Variants in DLG2 observed in about 807,000 individuals in gnomAD.
The protein encoded by DLG2 is disks large homolog 2.
Under a neutral mutation model 132.5 loss-of-function variants are expected in DLG2, and 45 were observed. That is an observed-to-expected ratio of 0.34 (90% confidence interval 0.27 to 0.44). The LOEUF (loss-of-function observed/expected upper bound fraction) is 0.44, where lower values mean the gene tolerates loss of function less well. DLG2 is among the 20% of genes least tolerant of loss of function. The pLI, the probability that DLG2 is intolerant of heterozygous loss-of-function variation, is 1.00. For synonymous variants in DLG2, 424 were observed against 419.6 expected (o/e 1.01, Z -0.13); for missense variants, 1,045 against 1,196.9 (o/e 0.87, Z 1.87).
chr11:85,532,341 T>C (rs1371222191), intron 3 of DLG2, among the ~76,000 whole-genome samples: 1 of 152,214 alleles, frequency 6.6e-6, no homozygotes, highest in African/African-American at 2.4e-5. Context: ...TCCTGGAAGA[T>C]ATTTTCCAAG....
At chr11:84,753,654 T>C (rs2066473798) in intron 6 of DLG2, among the ~76,000 whole-genome samples, 1 of 152,200 alleles carries the variant, frequency 6.6e-6, no homozygotes, top group South Asian at 2.1e-4. Context: ...TCAGGAAAGA[T>C]GTAGAAACTG....
intron 3 of DLG2, among the ~76,000 whole-genome samples, chr11:85,507,112 G>A (rs116580651): frequency 0.03 from 4,543 of 152,160 alleles, 213 homozygotes; most frequent in African/African-American, 0.1. Flanking sequence ...GTGTCTGCAC[G>A]TTAGATGGGT....
chr11:85,439,731 G>T (rs566593037), intron 3 of DLG2, among the ~76,000 whole-genome samples: 2 of 152,226 alleles, frequency 1.3e-5, no homozygotes, highest in Admixed American at 1.3e-4. Context: ...AGAGATATAT[G>T]TGTGAAACAA....
At chr11:85,074,588 GATC>G (rs1270458675) in intron 6 of DLG2, among the ~76,000 whole-genome samples, 3 of 151,830 alleles carry the variant, frequency 2.0e-5, no homozygotes, top group Non-Finnish European at 4.4e-5. Flanking sequence ...AACAACAGAA[GATC>G]ATTTCTGTTA....
chr11:84,239,006 T>C lies in DLG2; in HGVS notation c.573+12232A>G, dbSNP rs2097193778. ...ATGCACATTGATCCACATGATCATG[T>C]AGATTAAATTAAAACACACATATTT... On this transcript the variant is annotated intron_variant, in intron 8 of 27. Coordinates refer to ENST00000376104, the MANE Select transcript of DLG2 (RefSeq NM_001142699.3). Among the ~76,000 whole-genome samples, 3 of 152,338 alleles carry C rather than the reference T, an allele frequency of 2.0e-5. No individual in the cohort carries two copies. In the South Asian group the frequency reaches 6.2e-4, roughly 32 times the overall value.
At chr11:84,114,488 G>A (rs1320967934) in intron 9 of DLG2, among the ~76,000 whole-genome samples, 1 of 152,196 alleles carries the variant, frequency 6.6e-6, no homozygotes, top group Non-Finnish European at 1.5e-5. Context: ...CAGAGTGCTT[G>A]AGGAGGGGAG....
intron 6 of DLG2, among the ~76,000 whole-genome samples, chr11:84,662,148 G>A (rs1435759521): frequency 4.0e-5 from 6 of 148,738 alleles, no homozygotes; most frequent in African/African-American, 1.5e-4. Context: ...TCAGATGTCA[G>A]TATCAGATCA....
intron 8 of DLG2, among the ~76,000 whole-genome samples, chr11:84,192,855 T>C (rs1228526669): frequency 6.6e-6 from 1 of 152,226 alleles, no homozygotes; most frequent in East Asian, 1.9e-4. Context: ...CTAATCATGA[T>C]GAATACAATA....
At chr11:84,900,490 A>G (rs1047825797) in intron 6 of DLG2, among the ~76,000 whole-genome samples, 1 of 152,078 alleles carries the variant, frequency 6.6e-6, no homozygotes, top group Admixed American at 6.6e-5. Context: ...ACATTCTTCT[A>G]TAAAAGGGAT....
chr11:84,589,425 G>T lies in DLG2; in HGVS notation c.358-54694C>A, dbSNP rs533489444. On this transcript the variant is annotated intron_variant, in intron 6 of 27. Transcript: ENST00000376104. ...ATCAGTGTAAGGTATTGATCAGTCAGTCACTCTAGAAGCTCAATCCTGTGA... is the reference window on the plus strand; with the variant it reads ...ATCAGTGTAAGGTATTGATCAGTCATTCACTCTAGAAGCTCAATCCTGTGA... 5.3e-5 allele frequency among the ~76,000 whole-genome samples: 8 copies of T among 152,218 alleles called. No homozygotes were observed. The South Asian group carries it at 1.7e-3, about 32-fold the overall frequency.
chr11:84,234,684 G>A (rs932254063), intron 8 of DLG2, among the ~76,000 whole-genome samples: 14 of 152,206 alleles, frequency 9.2e-5, no homozygotes, highest in African/African-American at 2.4e-4. Flanking sequence ...TCCTCCTCCC[G>A]TTGGAATTCA....
chr11:84,483,769 T>C (rs1166285342), intron 7 of DLG2, among the ~76,000 whole-genome samples: 1 of 152,112 alleles, frequency 6.6e-6, no homozygotes, highest in African/African-American at 2.4e-5. Context: ...CTGAAAGAGG[T>C]AGAAGGGTTT....
chr11:84,774,797 T>C (rs1345679472), intron 6 of DLG2, among the ~76,000 whole-genome samples: 1 of 151,930 alleles, frequency 6.6e-6, no homozygotes, highest in Non-Finnish European at 1.5e-5. Flanking sequence ...TAACTCAAGA[T>C]TGATTTAAAT....
Position 85,605,461 on chromosome 11 carries a change from CAT to C in DLG2, c.-92-6675_-92-6674del, listed in dbSNP as rs558772596. On this transcript the variant is annotated intron_variant, in intron 2 of 27. Coordinates refer to ENST00000376104, the MANE Select transcript of DLG2 (RefSeq NM_001142699.3). ...TTAGTCTTTTAATTTGTATTTGTAA[CAT>C]ATAAATAAAAATGGTCCTACCTTTA... Among the ~76,000 whole-genome samples, 42 of 152,204 alleles carry C rather than the reference CAT, an allele frequency of 2.8e-4. No homozygotes were observed. The South Asian group carries it at 5.2e-3, about 19-fold the overall frequency.
chr11:84,324,905 C>A (rs551170312), intron 7 of DLG2, among the ~76,000 whole-genome samples: 1 of 151,874 alleles, frequency 6.6e-6, no homozygotes, highest in Non-Finnish European at 1.5e-5. Context: ...AAATTAAGTT[C>A]CAGATTTTTT....
intron 3 of DLG2, among the ~76,000 whole-genome samples, chr11:85,536,420 T>A (rs1457341203): frequency 6.6e-6 from 1 of 152,134 alleles, no homozygotes; most frequent in Non-Finnish European, 1.5e-5. Flanking sequence ...CTAAGGTAGG[T>A]CATAGAAACT....
rs1425760000 is a variant in DLG2, at chr11:83,657,571, T to C, written c.1826-24246A>G. Among the ~76,000 whole-genome samples, 11 of 137,136 alleles carry C rather than the reference T, an allele frequency of 8.0e-5. No individual in the cohort carries two copies. In the Admixed American group the frequency reaches 8.1e-4, roughly 10 times the overall value. The allele number at this position is 137,136 out of a possible 152,430, so 90.0% of individuals were successfully genotyped here. A position where few individuals can be genotyped will look rare whatever the true frequency, so the allele number is the denominator to read the frequency against. On this transcript the variant is annotated intron_variant, in intron 18 of 27. Coordinates refer to ENST00000376104, the MANE Select transcript of DLG2 (RefSeq NM_001142699.3). ...TTTTTTTTTTTGAGATGGAGTCTCG[T>C]TCTGTCACCCAGGCTGCAGTGCAGT...
intron 7 of DLG2, among the ~76,000 whole-genome samples, chr11:84,341,650 C>T (rs893637841): frequency 6.6e-6 from 1 of 152,228 alleles, no homozygotes; most frequent in East Asian, 1.9e-4. Flanking sequence ...CCAAGGGCGA[C>T]TTTACCTTAA....
At chr11:83,685,146 G>T (rs1253146607) in intron 18 of DLG2, among the ~76,000 whole-genome samples, 1 of 152,116 alleles carries the variant, frequency 6.6e-6, no homozygotes, top group Non-Finnish European at 1.5e-5. Flanking sequence ...GAGGACTCTG[G>T]CTAGAAAGGT....
Sources: allele counts gnomAD v4.1 joint callset (sites outside exome capture counted in the v4.1 genomes callset), GRCh38; gene constraint gnomAD v4.1.1; transcripts MANE v1.5; gene names NCBI Gene and HGNC (gene_info 2026-07-23, HGNC 2026-07-21).